The following CSMD1 variants were observed in gnomAD, a reference collection of about 807,000 sequenced individuals.
CSMD1 encodes CUB and sushi domain-containing protein 1.
CSMD1 carries 213 observed loss-of-function variants against 417.5 expected under a neutral mutation model. That is an observed-to-expected ratio of 0.51 (90% CI 0.46 to 0.57). The LOEUF (loss-of-function observed/expected upper bound fraction) is 0.57, where lower values mean the gene tolerates loss of function less well. CSMD1 is among the 20% of genes least tolerant of loss of function. CSMD1 has a pLI of 0.00. For synonymous variants in CSMD1, 2,862 were observed against 1,736.8 expected (o/e 1.65, Z -16.11); for missense variants, 6,923 against 4,529.7 (o/e 1.53, Z -15.17).
chr8:4,147,798 C>T (rs765914947), intron 3 of CSMD1, among the ~76,000 whole-genome samples: 2 of 152,050 alleles, frequency 1.3e-5, no homozygotes, highest in East Asian at 1.9e-4. Flanking sequence ...CCCAATGTGC[C>T]GACTCCAAAG....
chr8:4,568,298 A>C (rs1041671858), intron 2 of CSMD1, among the ~76,000 whole-genome samples: 1 of 151,942 alleles, frequency 6.6e-6, no homozygotes, highest in Non-Finnish European at 1.5e-5. Flanking sequence ...ACCACCCGAA[A>C]GGCCCGTCTA....
rs60793651 is a variant in CSMD1, at chr8:4,411,989, G to GGTGTGTGTGT, written c.415+7954_415+7963dup. On this transcript the variant is annotated intron_variant, in intron 3 of 69. Transcript: ENST00000635120. ...AAAAGTACACAGCAACATAGCTAAG[G>GGTGTGTGTGT]GTGTGTGTGTGTGTGTGTGTGTGTG... 1.9e-3 allele frequency among the ~76,000 whole-genome samples: 290 copies of GGTGTGTGTGT among 149,052 alleles called. 1 individual carries two copies. Among genetic ancestry groups the GGTGTGTGTGT allele is most frequent in the African/African-American group, 4.6e-3 (187 of 40,500 alleles).
chr8:4,710,734 A>T (rs574015482), intron 1 of CSMD1, among the ~76,000 whole-genome samples: 4 of 151,886 alleles, frequency 2.6e-5, no homozygotes, highest in South Asian at 2.1e-4. Flanking sequence ...AATCCCAGCT[A>T]CTTGGGAGTC....
At chr8:3,679,652 C>G (rs1203752100) in intron 7 of CSMD1, among the ~76,000 whole-genome samples, 1 of 152,074 alleles carries the variant, frequency 6.6e-6, no homozygotes, top group Non-Finnish European at 1.5e-5. Context: ...CAAGGATATC[C>G]AGGAATTGAA....
intron 5 of CSMD1, among the ~76,000 whole-genome samples, chr8:3,989,868 A>G (rs1022101371): frequency 3.3e-5 from 5 of 152,166 alleles, no homozygotes; most frequent in African/African-American, 1.2e-4. Flanking sequence ...GGATTGCACA[A>G]AATTACCTTA....
At chr8:4,762,919 G>C (rs1812211516) in intron 1 of CSMD1, among the ~76,000 whole-genome samples, 1 of 152,110 alleles carries the variant, frequency 6.6e-6, no homozygotes, top group African/African-American at 2.4e-5. Context: ...TTGTAGGTAG[G>C]GTTATAATTT....
chr8:4,184,119 T>A lies in CSMD1; in HGVS notation c.416-152020A>T, dbSNP rs73658442. Among the ~76,000 whole-genome samples, 1,053 of 152,298 alleles carry A rather than the reference T, an allele frequency of 6.9e-3. 14 individuals carry two copies. The highest frequency in any genetic ancestry group is 0.025 in the African/African-American group (1,018 of 41,544). ...CATTTTAGGAATGTTAACTATAATT[T>A]CTAAAACTTCATTAAAATATATAAA... On this transcript the variant is annotated intron_variant, in intron 3 of 69. Coordinates refer to ENST00000635120, the MANE Select transcript of CSMD1 (RefSeq NM_033225.6).
At chr8:4,673,331 A>G (rs976670298) in intron 1 of CSMD1, among the ~76,000 whole-genome samples, 3 of 152,292 alleles carry the variant, frequency 2.0e-5, no homozygotes, top group South Asian at 2.1e-4. Flanking sequence ...TCCAGGGCAA[A>G]GTTAGTTTTA....
chr8:4,177,530 C>G (rs978095138), intron 3 of CSMD1, among the ~76,000 whole-genome samples: 27 of 152,126 alleles, frequency 1.8e-4, no homozygotes, highest in African/African-American at 6.5e-4. Context: ...ACTAGAAAAA[C>G]AAGAGCAAAC....
Position 4,601,379 on chromosome 8 carries a change from A to G in CSMD1, c.302+35963T>C, listed in dbSNP as rs991194902. 2.0e-5 allele frequency among the ~76,000 whole-genome samples: 3 copies of G among 152,296 alleles called. No individual in the cohort carries two copies. The East Asian group carries it at 5.8e-4, about 29-fold the overall frequency. On this transcript the variant is annotated intron_variant, in intron 2 of 69. Coordinates refer to ENST00000635120, the MANE Select transcript of CSMD1 (RefSeq NM_033225.6). ...GGGCCTCTCTGAAGTGTCTGTTATCATGGCATTTGCATAACTTGCATTAGG... is the reference window on the plus strand; with the variant it reads ...GGGCCTCTCTGAAGTGTCTGTTATCGTGGCATTTGCATAACTTGCATTAGG...
chr8:3,860,982 GAC>G (rs1361065511), intron 5 of CSMD1, among the ~76,000 whole-genome samples: 1 of 152,172 alleles, frequency 6.6e-6, no homozygotes, highest in East Asian at 1.9e-4. Context: ...ACAAATGAAA[GAC>G]AAAGCATGGA....
chr8:4,808,071 G>C (rs1246764128), intron 1 of CSMD1, among the ~76,000 whole-genome samples: 1 of 152,138 alleles, frequency 6.6e-6, no homozygotes, highest in Non-Finnish European at 1.5e-5. Context: ...ACTCGTGTGG[G>C]CTCAATGTCC....
intron 3 of CSMD1, among the ~76,000 whole-genome samples, chr8:4,144,650 G>A (rs889097247): frequency 1.3e-5 from 2 of 150,972 alleles, no homozygotes; most frequent in Non-Finnish European, 2.9e-5. Context: ...TTTATCAGGA[G>A]ATAATCAGCA....
intron 31 of CSMD1, 87 bp downstream of exon 31, chr8:3,205,417 C>G (rs1797197498): frequency 1.4e-6 from 1 of 693,908 alleles, no homozygotes; most frequent in Admixed American, 2.8e-5. Context: ...TTTCACTAAG[C>G]TCTAGCATAC....
At chr8:4,837,019 C>A (rs1332938217) in intron 1 of CSMD1, among the ~76,000 whole-genome samples, 2 of 148,148 alleles carry the variant, frequency 1.3e-5, no homozygotes, top group East Asian at 3.9e-4. Flanking sequence ...GGGCTCTGGC[C>A]TTGATGTTGT....
At chr8:3,834,470 G>C (rs1802561593) in intron 5 of CSMD1, among the ~76,000 whole-genome samples, 1 of 152,186 alleles carries the variant, frequency 6.6e-6, no homozygotes, top group African/African-American at 2.4e-5. Context: ...TGCTCCATGT[G>C]TGTTGTTCCA....
At position 3,902,821 on chromosome 8, in the gene CSMD1, C is replaced by T. The variant is rs531612742; in HGVS notation, c.818+95082G>A. ...TTTATGAGAATTAAATTACATAATG[C>T]ACTGACTGGCCCATCTTGGATACTG... On this transcript the variant is annotated intron_variant, in intron 5 of 69. Coordinates refer to ENST00000635120, the MANE Select transcript of CSMD1 (RefSeq NM_033225.6). Among the ~76,000 whole-genome samples, 31 of 152,166 alleles carry T rather than the reference C, an allele frequency of 2.0e-4. 1 individual carries two copies. In the South Asian group the frequency reaches 2.9e-3, roughly 14 times the overall value.
chr8:4,970,557 G>T (rs1218735590), intron 1 of CSMD1, among the ~76,000 whole-genome samples: 1 of 151,886 alleles, frequency 6.6e-6, no homozygotes, highest in African/African-American at 2.4e-5. Context: ...ACAACAGGTG[G>T]TATGAACAAT....
At chr8:3,783,274 C>CA (rs1799276968) in intron 5 of CSMD1, among the ~76,000 whole-genome samples, 1 of 152,140 alleles carries the variant, frequency 6.6e-6, no homozygotes, top group Admixed American at 6.5e-5. Flanking sequence ...TGGTTTTTTG[C>CA]AAAACTCACC....
Sources: allele counts gnomAD v4.1 joint callset (sites outside exome capture counted in the v4.1 genomes callset), GRCh38; gene constraint gnomAD v4.1.1; transcripts MANE v1.5; gene names NCBI Gene and HGNC (gene_info 2026-07-23, HGNC 2026-07-21).